CADPS2: variants seen among roughly 807,000 people sequenced by gnomAD.
The protein encoded by CADPS2 is calcium-dependent secretion activator 2.
Under a neutral mutation model 172.5 loss-of-function variants are expected in CADPS2, and 93 were observed. The ratio of observed to expected loss-of-function variants is 0.54; its 90% CI spans 0.46 to 0.64. The LOEUF (loss-of-function observed/expected upper bound fraction) is 0.64. Among genes scored for constraint, CADPS2 ranks in the 30% least tolerant of loss-of-function variants. The pLI, the probability that CADPS2 is intolerant of heterozygous loss-of-function variation, is 0.00. For missense variants in CADPS2, 1,420 were observed against 1,565.9 expected (o/e 0.91, Z 1.57); for synonymous variants, 546 against 555.2 (o/e 0.98, Z 0.23).
At chr7:122,716,629 G>A (rs1191424413) in intron 2 of CADPS2, among the ~76,000 whole-genome samples, 1 of 152,238 alleles carries the variant, frequency 6.6e-6, no homozygotes, top group East Asian at 1.9e-4. Flanking sequence ...GTATACATAT[G>A]TAACAAACCT....
intron 14 of CADPS2, among the ~76,000 whole-genome samples, chr7:122,466,760 T>C (rs1244145896): frequency 6.6e-6 from 1 of 152,168 alleles, no homozygotes; most frequent in Non-Finnish European, 1.5e-5. Flanking sequence ...TTAATGTTAT[T>C]ACTCACAAGG....
intron 20 of CADPS2, among the ~76,000 whole-genome samples, chr7:122,400,425 G>A (rs774108606): frequency 4.6e-5 from 7 of 151,482 alleles, no homozygotes; most frequent in African/African-American, 7.3e-5. Flanking sequence ...CAATAAGAGC[G>A]AAACTCCATC....
chr7:122,567,995 G>A (rs2066688043), intron 7 of CADPS2, among the ~76,000 whole-genome samples: 1 of 152,122 alleles, frequency 6.6e-6, no homozygotes, highest in Admixed American at 6.5e-5. Flanking sequence ...AGGTGTGTCA[G>A]AATGGATAAT....
At chr7:122,756,704 G>C (rs1458851613) in intron 1 of CADPS2, among the ~76,000 whole-genome samples, 1 of 152,118 alleles carries the variant, frequency 6.6e-6, no homozygotes, top group East Asian at 1.9e-4. Flanking sequence ...TTCGAGACCA[G>C]CCTGACCAAT....
intron 6 of CADPS2, among the ~76,000 whole-genome samples, chr7:122,588,544 G>GC (rs2070168507): frequency 1.3e-5 from 2 of 151,836 alleles, no homozygotes; most frequent in Admixed American, 1.3e-4. Context: ...TTAAAATTTA[G>GC]CCATTTTAAG....
chr7:122,338,006 A>G (rs2036154553), intron 28 of CADPS2, among the ~76,000 whole-genome samples: 1 of 152,250 alleles, frequency 6.6e-6, no homozygotes, highest in Admixed American at 6.5e-5. Flanking sequence ...TGAATAAGAC[A>G]CTGCTGCTAT....
chr7:122,455,423 A>G (rs1173256649), intron 14 of CADPS2, among the ~76,000 whole-genome samples: 5 of 151,232 alleles, frequency 3.3e-5, no homozygotes, highest in African/African-American at 9.7e-5. Flanking sequence ...AATAATATTT[A>G]ATAAAAATGT....
At chr7:122,708,865 A>C (rs901342178) in intron 2 of CADPS2, among the ~76,000 whole-genome samples, 10 of 151,936 alleles carry the variant, frequency 6.6e-5, no homozygotes, top group Non-Finnish European at 1.3e-4. Context: ...TTCACATTGT[A>C]GTCTTTGCAC....
At chr7:122,471,094 A>G (rs1280032385) in intron 14 of CADPS2, among the ~76,000 whole-genome samples, 1 of 152,192 alleles carries the variant, frequency 6.6e-6, no homozygotes, top group African/African-American at 2.4e-5. Context: ...CAGACTTACT[A>G]CGAGGTGGTA....
intron 2 of CADPS2, among the ~76,000 whole-genome samples, chr7:122,674,566 C>A (rs1362103042): frequency 2.0e-5 from 3 of 152,178 alleles, no homozygotes; most frequent in Non-Finnish European, 4.4e-5. Flanking sequence ...ATTACTATAA[C>A]AAGAAACTAT....
At position 122,451,436 on chromosome 7, in the gene CADPS2, T is replaced by G; in HGVS notation, c.2226A>C (p.Glu742Asp). 1 of 1,587,836 alleles carries G rather than the reference T, an allele frequency of 6.3e-7. No homozygotes were observed. The highest frequency in any genetic ancestry group is 2.3e-5 in the East Asian group (1 of 43,772). The change falls in exon 15 of 30, where the codon GAA (glutamate) becomes GAC (aspartate). Residue 742 changes from glutamate to aspartate, a missense_variant. By Grantham distance (45) the Glu-to-Asp change is conservative. Coordinates refer to ENST00000449022, the MANE Select transcript of CADPS2 (RefSeq NM_017954.11). ...GIGTVSVEEK[E>D]RFEEIKERLS... ...GTCTCTCTTTTATCTCCTCAAATCT[T>G]TCTTTTTCTTCCACTGAAACAGTCC...
At chr7:122,409,318 G>T (rs2047027851) in intron 19 of CADPS2, among the ~76,000 whole-genome samples, 1 of 152,200 alleles carries the variant, frequency 6.6e-6, no homozygotes, top group Non-Finnish European at 1.5e-5. Flanking sequence ...CCAGTTCACA[G>T]CCAATATCTT....
intron 1 of CADPS2, among the ~76,000 whole-genome samples, chr7:122,875,495 A>G (rs1820977031): frequency 6.6e-6 from 1 of 152,322 alleles, no homozygotes; most frequent in South Asian, 2.1e-4. Flanking sequence ...GATTACTATA[A>G]TAATGCTAAT....
intron 9 of CADPS2, among the ~76,000 whole-genome samples, chr7:122,496,088 CCTCT>C (rs1308608216): frequency 4.6e-5 from 7 of 152,022 alleles, no homozygotes; most frequent in African/African-American, 1.7e-4. Context: ...TTTTGTTAAT[CCTCT>C]CTGTTGTTTT....
chr7:122,446,848 G>C (rs1260179630), intron 15 of CADPS2, among the ~76,000 whole-genome samples: 1 of 152,126 alleles, frequency 6.6e-6, no homozygotes, highest in Non-Finnish European at 1.5e-5. Context: ...TCTTCTGGCA[G>C]TAAGCAGGTG....
Position 122,379,419 on chromosome 7 carries a change from A to G in CADPS2, c.3336T>C (p.Asp1112=). The part of the protein sequence containing the change: ...GQEQQYHSKI[D]DLIDNSVKEI... ...CTTTTACACTGTTGTCGATCAGATC[A>G]TCTATTTTTGAATGGTACTGTTGCT... The change falls in exon 25 of 30, where the codon GAT becomes GAC. Residue 1112 remains aspartate, a synonymous_variant. Transcript: ENST00000449022. 6.2e-7 allele frequency: 1 copy of G among 1,604,342 alleles called. No homozygotes were observed. The highest frequency in any genetic ancestry group is 8.5e-7 in the Non-Finnish European group (1 of 1,173,002).
At chr7:122,379,967 T>C (rs2042797274) in intron 24 of CADPS2, among the ~76,000 whole-genome samples, 1 of 152,084 alleles carries the variant, frequency 6.6e-6, no homozygotes, top group Admixed American at 6.5e-5. Flanking sequence ...TACAATATGC[T>C]CGAGCAAGGG....
chr7:122,704,482 T>C (rs2086672481), intron 2 of CADPS2, among the ~76,000 whole-genome samples: 1 of 152,110 alleles, frequency 6.6e-6, no homozygotes, highest in Admixed American at 6.6e-5. Context: ...TGTGATTATT[T>C]AACCTTTGGA....
At chr7:122,864,273 G>A (rs1024240845) in intron 1 of CADPS2, among the ~76,000 whole-genome samples, 27 of 152,068 alleles carry the variant, frequency 1.8e-4, no homozygotes, top group Admixed American at 6.6e-5. Flanking sequence ...ATGGGATGGA[G>A]GCAGCAAGGC....
Sources: gnomAD v4.1 joint callset for allele counts (sites outside exome capture counted in the v4.1 genomes callset) on GRCh38, gnomAD v4.1.1 for gene constraint, MANE v1.5 for transcripts, NCBI Gene and HGNC (gene_info 2026-07-23, HGNC 2026-07-21) for gene names.